The following GTF3C6 variants were observed in gnomAD, a reference collection of about 807,000 sequenced individuals.
GTF3C6 encodes general transcription factor 3C polypeptide 6.
In GTF3C6, 11 loss-of-function variants were observed where a neutral mutation model predicts 19.2. The observed-to-expected ratio is 0.57, with a 90% CI of 0.36 to 0.95. The LOEUF is 0.95. Among genes scored for constraint, GTF3C6 ranks in the 40% least tolerant of loss-of-function variants. The pLI, the probability that GTF3C6 is intolerant of heterozygous loss-of-function variation, is 0.01. For missense variants in GTF3C6, 222 were observed against 254.7 expected (o/e 0.87, Z 0.87); for synonymous variants, 87 against 84.2 (o/e 1.03, Z -0.18).
chr6:110,962,349 G>A (rs1771171343), intron 4 of GTF3C6, 43 bp from the exon 5 acceptor site: 1 of 1,025,520 alleles, frequency 9.8e-7, no homozygotes, highest in African/African-American at 1.6e-5. Context: ...TGTTTTATTT[G>A]ATGGCATAAG....
At chr6:110,959,678 AT>A (rs1365481683) in intron 2 of GTF3C6, among the ~76,000 whole-genome samples, 1 of 151,988 alleles carries the variant, frequency 6.6e-6, no homozygotes, top group East Asian at 1.9e-4. Flanking sequence ...ATAAAAAAAA[AT>A]GGCCAGGCGC....
At chr6:110,960,731 A>C in intron 4 of GTF3C6, 115 bp downstream of exon 4, 1 of 893,814 alleles carries the variant, frequency 1.1e-6, no homozygotes, top group African/African-American at 1.7e-5. Context: ...CATTTTCCCA[A>C]ACGTGACTCA....
At chr6:110,965,795 C>G (rs1411027035) in intron 5 of GTF3C6, among the ~76,000 whole-genome samples, 1 of 152,142 alleles carries the variant, frequency 6.6e-6, no homozygotes, top group African/African-American at 2.4e-5. Context: ...CATTGGTTAC[C>G]TACTGCTGCA....
chr6:110,959,010 C>T, intron 1 of GTF3C6, 162 bp from the exon 2 acceptor site: 2 of 831,488 alleles, frequency 2.4e-6, no homozygotes, highest in Non-Finnish European at 3.9e-6. Context: ...TCACCCCGTA[C>T]TTGGGATGGG....
intron 5 of GTF3C6, among the ~76,000 whole-genome samples, chr6:110,963,681 G>T (rs2114258516): frequency 6.6e-6 from 1 of 150,444 alleles, no homozygotes; most frequent in Middle Eastern, 3.4e-3. Context: ...CCTTCAACAG[G>T]CTCACATCTG....
intron 4 of GTF3C6, 122 bp from the exon 5 acceptor site, chr6:110,962,270 T>A: frequency 1.6e-6 from 1 of 614,038 alleles, no homozygotes. Context: ...ACCTTGAATT[T>A]ACTACACTAT....
intron 2 of GTF3C6, among the ~76,000 whole-genome samples, chr6:110,959,689 C>T (rs1042121133): frequency 5.3e-5 from 8 of 151,994 alleles, no homozygotes; most frequent in African/African-American, 7.2e-5. Flanking sequence ...TGGCCAGGCG[C>T]GGTGGCTCAC....
intron 4 of GTF3C6, among the ~76,000 whole-genome samples, chr6:110,962,131 C>T (rs1049740386): frequency 1.3e-5 from 2 of 151,890 alleles, no homozygotes; most frequent in Non-Finnish European, 2.9e-5. Flanking sequence ...CTCAAACTCC[C>T]GACCTCAGGT....
intron 5 of GTF3C6, among the ~76,000 whole-genome samples, chr6:110,963,804 C>T (rs1182905353): frequency 1.3e-5 from 2 of 151,004 alleles, no homozygotes; most frequent in African/African-American, 4.9e-5. Flanking sequence ...TGGGTGCAAG[C>T]GATTCTCCTG....
chr6:110,958,872 C>T (rs758825068), intron 1 of GTF3C6, 46 bp downstream of exon 1: 24 of 1,530,398 alleles, frequency 1.6e-5, no homozygotes, highest in Non-Finnish European at 2.1e-5. Context: ...GGCGGTGATG[C>T]CTGTGCTGGC....
intron 5 of GTF3C6, among the ~76,000 whole-genome samples, chr6:110,965,839 C>T (rs550479900): frequency 6.6e-6 from 1 of 152,300 alleles, no homozygotes; most frequent in East Asian, 1.9e-4. Flanking sequence ...CAGCTTAAAA[C>T]AACAACAAAA....
At chr6:110,961,837 C>T (rs1771164274) in intron 4 of GTF3C6, among the ~76,000 whole-genome samples, 1 of 152,166 alleles carries the variant, frequency 6.6e-6, no homozygotes, top group African/African-American at 2.4e-5. Context: ...TCACTCATAA[C>T]TCTGTGTTTC....
At position 110,967,770 on chromosome 6, in the gene GTF3C6, G is replaced by C; in HGVS notation, c.622G>C (p.Glu208Gln). The C allele has an allele frequency of 4.4e-6, 7 of 1,605,364 alleles. No homozygotes were observed. The highest frequency in any genetic ancestry group is 5.9e-6 in the Non-Finnish European group (7 of 1,176,808). ...PSETEGSVFM[E>Q]TQMLP The stretch of plus-strand genomic sequence containing the variant: ...TGAGACAGAAGGTTCTGTTTTTATG[G>C]AAACTCAAATGCTGCCTTAGAAATC... Residue 208 changes from glutamate (E) to glutamine (Q), a missense_variant, in exon 6 of 6, where the codon GAA becomes CAA. Glu to Gln is a conservative substitution (Grantham distance 29). Transcript: ENST00000329970.
chr6:110,964,500 A>G (rs953122947), intron 5 of GTF3C6, among the ~76,000 whole-genome samples: 16 of 152,004 alleles, frequency 1.1e-4, no homozygotes, highest in Non-Finnish European at 2.4e-4. Context: ...TCAGCCTCCC[A>G]AAGTGCTGGG....
At chr6:110,959,716 C>G (rs1771133524) in intron 2 of GTF3C6, among the ~76,000 whole-genome samples, 1 of 151,988 alleles carries the variant, frequency 6.6e-6, no homozygotes, top group South Asian at 2.1e-4. Flanking sequence ...AATCCCAATA[C>G]TGGGAGGCCG....
At chr6:110,959,042 G>C in intron 1 of GTF3C6, 130 bp from the exon 2 acceptor site, 2 of 851,152 alleles carry the variant, frequency 2.3e-6, no homozygotes, top group Non-Finnish European at 2.0e-6. Flanking sequence ...AGTTACCTTA[G>C]GTAGCGTAGT....
At chr6:110,965,605 G>A (rs1771220182) in intron 5 of GTF3C6, among the ~76,000 whole-genome samples, 1 of 152,120 alleles carries the variant, frequency 6.6e-6, no homozygotes, top group African/African-American at 2.4e-5. Context: ...TAAGAAGAAA[G>A]AGGTACTAGG....
chr6:110,959,272 G>A lies in GTF3C6; in HGVS notation c.138+20G>A. 1.4e-6 allele frequency: 2 copies of A among 1,459,360 alleles called. No homozygotes were observed. The highest frequency in any genetic ancestry group is 1.1e-5 in the South Asian group (1 of 87,854). The allele number at this position is 1,459,360 out of a possible 1,614,324, so 90.4% of individuals were successfully genotyped here. On this transcript the variant is annotated intron_variant, in intron 2 of 5. Coordinates refer to ENST00000329970, the MANE Select transcript of GTF3C6 (RefSeq NM_138408.4). ...GTTTTGGTGAGTTTTCTAGACTTGG[G>A]GGGATTGTTCTAGAGTGTCTTAAAT...
intron 5 of GTF3C6, among the ~76,000 whole-genome samples, chr6:110,962,800 A>C (rs1257780405): frequency 6.6e-6 from 1 of 151,438 alleles, no homozygotes; most frequent in Non-Finnish European, 1.5e-5. Context: ...TCTTATCCAG[A>C]CGAAGTCTCG....
Sources: allele counts gnomAD v4.1 joint callset (sites outside exome capture counted in the v4.1 genomes callset), GRCh38; gene constraint gnomAD v4.1.1; transcripts MANE v1.5; gene names NCBI Gene and HGNC (gene_info 2026-07-23, HGNC 2026-07-21).